Variants in TBCA observed in about 807,000 individuals in gnomAD.
TBCA encodes tubulin folding cofactor A.
A neutral mutation model predicts 15.8 loss-of-function variants in TBCA; 6 were observed. The ratio of observed to expected loss-of-function variants is 0.38; its 90% CI spans 0.21 to 0.75. TBCA has a LOEUF of 0.75. Among genes scored for constraint, TBCA ranks in the 30% least tolerant of loss-of-function variants. The pLI is 0.46. For missense variants in TBCA, 90 were observed against 131.2 expected, an observed-to-expected ratio of 0.69 and a Z score of 1.53; for synonymous variants, 32 against 42.3, an observed-to-expected ratio of 0.76 and a Z score of 0.94.
chr5:77,718,412 T>C (rs181032683), intron 1 of TBCA, among the ~76,000 whole-genome samples: 1 of 152,262 alleles, frequency 6.6e-6, no homozygotes, highest in East Asian at 1.9e-4. Flanking sequence ...CACCAGGAAG[T>C]GTATCCACTT....
At chr5:77,743,993 T>C (rs989746758) in intron 1 of TBCA, among the ~76,000 whole-genome samples, 5 of 152,182 alleles carry the variant, frequency 3.3e-5, no homozygotes, top group Admixed American at 2.0e-4. Flanking sequence ...AACTTATTAA[T>C]AGTATGACAT....
intron 2 of TBCA, among the ~76,000 whole-genome samples, chr5:77,699,326 A>G (rs929997225): frequency 6.6e-6 from 1 of 152,190 alleles, no homozygotes; most frequent in Non-Finnish European, 1.5e-5. Flanking sequence ...ATAAAATAAA[A>G]TAAACACTCA....
intron 1 of TBCA, among the ~76,000 whole-genome samples, chr5:77,729,588 G>A (rs148651366): frequency 1.1e-4 from 16 of 152,266 alleles, no homozygotes; most frequent in African/African-American, 2.4e-4. Flanking sequence ...TGCAATCTGC[G>A]TAAGATTGCT....
chr5:77,741,872 G>A (rs940317036), intron 1 of TBCA, among the ~76,000 whole-genome samples: 1 of 152,150 alleles, frequency 6.6e-6, no homozygotes, highest in Non-Finnish European at 1.5e-5. Flanking sequence ...TCTAATATTT[G>A]AGAAGAAGAA....
intron 1 of TBCA, among the ~76,000 whole-genome samples, chr5:77,727,240 A>G (rs1007783309): frequency 7.3e-4 from 40 of 54,902 alleles, no homozygotes; most frequent in African/African-American, 2.0e-3. Flanking sequence ...CTGTCTCAGG[A>G]AAAAAAAAAA....
intron 1 of TBCA, among the ~76,000 whole-genome samples, chr5:77,756,388 A>T (rs970343055): frequency 1.3e-5 from 2 of 152,174 alleles, no homozygotes; most frequent in Non-Finnish European, 2.9e-5. Context: ...AGACACTCCC[A>T]TTGGGCTCCC....
At chr5:77,728,400 G>T (rs1201634582) in intron 1 of TBCA, among the ~76,000 whole-genome samples, 1 of 152,054 alleles carries the variant, frequency 6.6e-6, no homozygotes, top group African/African-American at 2.4e-5. Flanking sequence ...TTGGTTTCTT[G>T]TATTTTAAGC....
intron 1 of TBCA, among the ~76,000 whole-genome samples, chr5:77,734,804 A>G (rs1426113726): frequency 1.3e-5 from 2 of 152,216 alleles, no homozygotes; most frequent in African/African-American, 4.8e-5. Flanking sequence ...GAGTCCATCA[A>G]TGCAGCAATC....
chr5:77,706,810 T>TAAAAA (rs370852221), intron 2 of TBCA, among the ~76,000 whole-genome samples: 39 of 108,402 alleles, frequency 3.6e-4, no homozygotes, highest in African/African-American at 1.3e-3. Flanking sequence ...GACTCCATCT[T>TAAAAA]AAAAAAAAAA....
Position 77,691,344 on chromosome 5 carries a change from C to T in TBCA, c.*74G>A, listed in dbSNP as rs554659987. On this transcript the variant is annotated 3_prime_UTR_variant, in exon 4 of 4. Coordinates refer to ENST00000380377, the MANE Select transcript of TBCA (RefSeq NM_004607.3). ...ATTCTCATACTACTTGAACACATAG[C>T]AGTGGTCAAAAATAATGGATTGTAA... 153 of 1,250,354 alleles carry T rather than the reference C, an allele frequency of 1.2e-4. No individual in the cohort carries two copies. Among genetic ancestry groups the T allele is most frequent in the Non-Finnish European group, 1.6e-4 (140 of 876,912 alleles). 77.5% of individuals were successfully genotyped at this position (1,250,354 alleles called of 1,614,324 possible). A position where few individuals can be genotyped will look rare whatever the true frequency, so the allele number is the denominator to read the frequency against.
intron 1 of TBCA, among the ~76,000 whole-genome samples, chr5:77,741,077 C>T (rs574923005): frequency 1.3e-5 from 2 of 152,226 alleles, no homozygotes; most frequent in South Asian, 4.1e-4. Context: ...TCAACTGTTA[C>T]TAAGAAGGCA....
chr5:77,753,966 C>T (rs1041592561), intron 1 of TBCA, among the ~76,000 whole-genome samples: 10 of 152,098 alleles, frequency 6.6e-5, no homozygotes, highest in African/African-American at 2.4e-4. Context: ...ATGTTGGCCA[C>T]GCTGGTCTCG....
chr5:77,761,448 A>C (rs944857032), intron 1 of TBCA, among the ~76,000 whole-genome samples: 92 of 152,046 alleles, frequency 6.1e-4, no homozygotes, highest in Non-Finnish European at 1.9e-4. Flanking sequence ...CATGCTCCTT[A>C]AGAGTCATCA....
intron 1 of TBCA, among the ~76,000 whole-genome samples, chr5:77,742,906 A>G (rs1269663157): frequency 1.3e-5 from 2 of 152,252 alleles, no homozygotes; most frequent in African/African-American, 2.4e-5. Flanking sequence ...ACTGTTAGTA[A>G]TAACAGTAAG....
At chr5:77,691,949 A>G in intron 3 of TBCA, 2 of 987,016 alleles carry the variant, frequency 2.0e-6, no homozygotes, top group Non-Finnish European at 2.4e-6. Context: ...ACAGAGTTAA[A>G]TATAATCTTT....
At chr5:77,691,552 TGTTA>T in intron 3 of TBCA, 54 bp from the exon 4 acceptor site, 1 of 1,489,786 alleles carries the variant, frequency 6.7e-7, no homozygotes, top group Non-Finnish European at 8.9e-7. Flanking sequence ...TTCAGTACTT[TGTTA>T]TTTACTCAAA....
At chr5:77,749,312 GTTA>G (rs1441262452) in intron 1 of TBCA, among the ~76,000 whole-genome samples, 6 of 152,238 alleles carry the variant, frequency 3.9e-5, no homozygotes, top group African/African-American at 1.4e-4. Flanking sequence ...ATGGACTACA[GTTA>G]TTATATGCGT....
At chr5:77,757,931 C>T (rs569802634) in intron 1 of TBCA, among the ~76,000 whole-genome samples, 111 of 152,186 alleles carry the variant, frequency 7.3e-4, no homozygotes, top group African/African-American at 2.5e-3. Context: ...CAAATCTGTA[C>T]GGGTCTGCAG....
intron 1 of TBCA, among the ~76,000 whole-genome samples, chr5:77,751,475 GCCA>G: frequency 6.6e-6 from 1 of 151,990 alleles, no homozygotes; most frequent in South Asian, 2.1e-4. Flanking sequence ...CACCGCGCCG[GCCA>G]GCCTGACCAG....
Sources: allele counts gnomAD v4.1 joint callset (sites outside exome capture counted in the v4.1 genomes callset), GRCh38; gene constraint gnomAD v4.1.1; transcripts MANE v1.5; gene names NCBI Gene and HGNC (gene_info 2026-07-23, HGNC 2026-07-21).